BORCS5: variants seen among roughly 807,000 people sequenced by gnomAD.
The protein encoded by BORCS5 is BLOC-1-related complex subunit 5.
BORCS5 carries 17 observed loss-of-function variants against 22.1 expected under a neutral mutation model. The ratio of observed to expected loss-of-function variants is 0.77; its 90% CI spans 0.53 to 1.15. The LOEUF (loss-of-function observed/expected upper bound fraction) is 1.15. Ranked by LOEUF, BORCS5 falls within the 50% of genes most tolerant of loss-of-function variation. BORCS5 has a pLI of 0.00. For missense variants in BORCS5, 247 were observed against 253.2 expected, an observed-to-expected ratio of 0.98 and a Z score of 0.17; for synonymous variants, 117 against 99.8, an observed-to-expected ratio of 1.17 and a Z score of -1.03.
intron 3 of BORCS5, among the ~76,000 whole-genome samples, chr12:12,464,266 C>T (rs891250091): frequency 2.0e-5 from 3 of 152,018 alleles, no homozygotes; most frequent in Non-Finnish European, 4.4e-5. Context: ...GCCCTGCAGG[C>T]ACTCAAGCAA....
intron 1 of BORCS5, among the ~76,000 whole-genome samples, chr12:12,360,607 C>T (rs1030500729): frequency 1.5e-4 from 20 of 132,136 alleles, no homozygotes; most frequent in Non-Finnish European, 2.8e-4. Context: ...GATAGGGTCT[C>T]ACTATGTTGC....
chr12:12,439,454 C>A (rs137874244), intron 3 of BORCS5, among the ~76,000 whole-genome samples: 1 of 151,748 alleles, frequency 6.6e-6, no homozygotes, highest in Non-Finnish European at 1.5e-5. Flanking sequence ...ATGGTGAAAC[C>A]CCATCTCTAC....
chr12:12,410,696 A>C (rs1248039916), intron 2 of BORCS5, among the ~76,000 whole-genome samples: 2 of 152,000 alleles, frequency 1.3e-5, no homozygotes, highest in African/African-American at 4.8e-5. Flanking sequence ...CTTAGGATTG[A>C]CTTGGCAACA....
intron 2 of BORCS5, among the ~76,000 whole-genome samples, chr12:12,423,249 T>G (rs532306190): frequency 3.0e-4 from 45 of 152,034 alleles, no homozygotes; most frequent in African/African-American, 1.1e-3. Flanking sequence ...TGATCCACCC[T>G]CCTTGGCATC....
Position 12,466,832 on chromosome 12 carries a change from C to T in BORCS5, c.*1056C>T, listed in dbSNP as rs1271395246. ...CTGTTCCCTAAGTTCCTGCAAGCGTCGGGAGGTGTGTTTTCAGATACCAGA... is the reference window on the plus strand; with the variant it reads ...CTGTTCCCTAAGTTCCTGCAAGCGTTGGGAGGTGTGTTTTCAGATACCAGA... On this transcript the variant is annotated 3_prime_UTR_variant, in exon 4 of 4. Transcript: ENST00000314565. The T allele has an allele frequency of 1.3e-5, 2 of 152,184 alleles. No individual in the cohort carries two copies. Among genetic ancestry groups the T allele is most frequent in the Non-Finnish European group, 2.9e-5 (2 of 68,048 alleles). 9.4% of individuals were successfully genotyped at this position (152,184 alleles called of 1,614,324 possible).
chr12:12,402,956 C>A (rs935343173), intron 2 of BORCS5, among the ~76,000 whole-genome samples: 2 of 152,190 alleles, frequency 1.3e-5, no homozygotes, highest in African/African-American at 4.8e-5. Flanking sequence ...GCCCAGAAAA[C>A]TTCCAAAGTG....
chr12:12,430,100 G>A lies in BORCS5; in HGVS notation c.203-5528G>A, dbSNP rs146708249. On this transcript the variant is annotated intron_variant, in intron 2 of 3. Transcript: ENST00000314565. ...AAAAGATAAGCAAAACGTGGTCCCT[G>A]TCTTCAACCAGCTCACCATTTGTTA... Among the ~76,000 whole-genome samples, 407 of 150,726 alleles carry A rather than the reference G, an allele frequency of 2.7e-3. 3 individuals carry two copies. The highest frequency in any genetic ancestry group is 9.3e-3 in the African/African-American group (381 of 40,822).
rs1177133204 is a variant in BORCS5 at position 12,470,322 on chromosome 12, C to T, written c.*4546C>T. On this transcript the variant is annotated 3_prime_UTR_variant, in exon 4 of 4. Transcript: ENST00000314565. ...TGACCTCGTGATCTGCCCGACTTGG[C>T]CTCCCAAAGTACTGGGATTACAGGC... Among the ~76,000 whole-genome samples the T allele has an allele frequency of 1.3e-5, 2 of 152,152 alleles. No individual in the cohort carries two copies. The highest frequency in any genetic ancestry group is 4.8e-5 in the African/African-American group (2 of 41,440).
intron 2 of BORCS5, among the ~76,000 whole-genome samples, chr12:12,434,001 C>T (rs1210226277): frequency 6.6e-6 from 1 of 151,848 alleles, no homozygotes; most frequent in African/African-American, 2.4e-5. Flanking sequence ...TGGTTGGGGT[C>T]GGTGAGGAAG....
Position 12,468,896 on chromosome 12 carries a change from T to C in BORCS5, c.*3120T>C, listed in dbSNP as rs1943242584. 6.6e-6 allele frequency: 1 copy of C among 152,232 alleles called. No homozygotes were observed. Among genetic ancestry groups the C allele is most frequent in the Non-Finnish European group, 1.5e-5 (1 of 68,044 alleles). The allele number at this position is 152,232 out of a possible 1,614,324, so 9.4% of individuals were successfully genotyped here. On this transcript the variant is annotated 3_prime_UTR_variant, in exon 4 of 4. Coordinates refer to ENST00000314565, the MANE Select transcript of BORCS5 (RefSeq NM_058169.6). ...TTCTTAGTAACGCTATATATGGTTT[T>C]ATAGACCACACATATATAGTTTCCT...
intron 3 of BORCS5, among the ~76,000 whole-genome samples, chr12:12,460,350 C>CATGT (rs1251826481): frequency 2.6e-5 from 4 of 152,130 alleles, no homozygotes; most frequent in Non-Finnish European, 5.9e-5. Flanking sequence ...GTATGCTGAC[C>CATGT]ATGTATCTTG....
rs1256024830 is a variant in BORCS5 at position 12,357,085 on chromosome 12, T to C, written c.-367T>C. On this transcript the variant is annotated 5_prime_UTR_variant, in exon 1 of 4. Transcript: ENST00000314565. Reference sequence around the variant, plus strand: ...GCGTAGCCGGCACCGCCCATCTGCGTCCCGGAAGGAGCGAGCTTGCGGAGC... The same window carrying C: ...GCGTAGCCGGCACCGCCCATCTGCGCCCCGGAAGGAGCGAGCTTGCGGAGC... 2 of 1,533,766 alleles carry C rather than the reference T, an allele frequency of 1.3e-6. No homozygotes were observed. The highest frequency in any genetic ancestry group is 8.7e-7 in the Non-Finnish European group (1 of 1,145,522).
At chr12:12,411,163 T>C (rs1355210643) in intron 2 of BORCS5, among the ~76,000 whole-genome samples, 1 of 152,212 alleles carries the variant, frequency 6.6e-6, no homozygotes, top group Non-Finnish European at 1.5e-5. Context: ...AATCATGTCA[T>C]CTGCAAACAG....
intron 3 of BORCS5, among the ~76,000 whole-genome samples, chr12:12,449,290 G>C (rs1942858002): frequency 6.6e-6 from 1 of 152,194 alleles, no homozygotes; most frequent in South Asian, 2.1e-4. Flanking sequence ...AGATGTCTAC[G>C]TGCCCTACAC....
chr12:12,369,442 C>G (rs1307394503), intron 2 of BORCS5, among the ~76,000 whole-genome samples: 1 of 152,074 alleles, frequency 6.6e-6, no homozygotes, highest in African/African-American at 2.4e-5. Flanking sequence ...TTTTGCTCTT[C>G]ATTTTCTATT....
chr12:12,464,084 A>C (rs1943157211), intron 3 of BORCS5, among the ~76,000 whole-genome samples: 1 of 152,214 alleles, frequency 6.6e-6, no homozygotes, highest in Non-Finnish European at 1.5e-5. Context: ...GGTGACTGTC[A>C]GGACCACAGG....
At chr12:12,372,349 T>G (rs544933570) in intron 2 of BORCS5, among the ~76,000 whole-genome samples, 1 of 152,190 alleles carries the variant, frequency 6.6e-6, no homozygotes, top group South Asian at 2.1e-4. Context: ...TTACTAATTT[T>G]TTTTTTCCTT....
At chr12:12,433,187 T>G (rs892040906) in intron 2 of BORCS5, among the ~76,000 whole-genome samples, 5 of 151,550 alleles carry the variant, frequency 3.3e-5, no homozygotes, top group Admixed American at 6.6e-5. Context: ...ATGCAAAAAT[T>G]AGGCAGGAAT....
At chr12:12,377,784 C>T (rs7136930) in intron 2 of BORCS5, among the ~76,000 whole-genome samples, 29,697 of 151,990 alleles carry the variant, frequency 0.2, 7,017 homozygotes, top group African/African-American at 0.57. Context: ...TAAGAGAAAG[C>T]ATATTTAGAG....
Sources: allele counts gnomAD v4.1 joint callset (sites outside exome capture counted in the v4.1 genomes callset), GRCh38; gene constraint gnomAD v4.1.1; transcripts MANE v1.5; gene names NCBI Gene and HGNC (gene_info 2026-07-23, HGNC 2026-07-21).